The following IMPA2 variants were observed in gnomAD, a reference collection of about 807,000 sequenced individuals.
IMPA2 encodes the protein IMP 2.
A neutral mutation model predicts 35.1 loss-of-function variants in IMPA2; 32 were observed. The ratio of observed to expected loss-of-function variants is 0.91; its 90% CI spans 0.69 to 1.23. IMPA2 has a LOEUF of 1.23. Ranked by LOEUF, IMPA2 falls within the 50% of genes most tolerant of loss-of-function variation. The pLI, the probability that IMPA2 is intolerant of heterozygous loss-of-function variation, is 0.00. For synonymous variants in IMPA2, 135 were observed against 160.6 expected, an observed-to-expected ratio of 0.84 and a Z score of 1.20; for missense variants, 334 against 387.6, an observed-to-expected ratio of 0.86 and a Z score of 1.16.
At chr18:12,024,096 A>G (rs1907809938) in intron 5 of IMPA2, among the ~76,000 whole-genome samples, 1 of 152,244 alleles carries the variant, frequency 6.6e-6, no homozygotes, top group Non-Finnish European at 1.5e-5. Context: ...CTTCAGGGGA[A>G]TGGTGACATA....
intron 7 of IMPA2, 114 bp from the exon 8 acceptor site, chr18:12,030,229 G>T: frequency 4.0e-6 from 3 of 748,170 alleles, no homozygotes; most frequent in Non-Finnish European, 6.9e-6. Flanking sequence ...TGGGGCTTGG[G>T]CACGGTTCCA....
At chr18:12,028,691 T>A in intron 6 of IMPA2, 151 bp from the exon 7 acceptor site, 1 of 900,330 alleles carries the variant, frequency 1.1e-6, no homozygotes, top group Admixed American at 2.3e-5. Context: ...CTCCAGGCCC[T>A]ATATTCAGCC....
At chr18:11,988,872 C>T (rs190846933) in intron 1 of IMPA2, among the ~76,000 whole-genome samples, 13 of 152,236 alleles carry the variant, frequency 8.5e-5, no homozygotes, top group African/African-American at 2.9e-4. Context: ...CGCTTTGTTT[C>T]CCTGGCTGGA....
chr18:11,999,326 C>A, intron 2 of IMPA2, 139 bp downstream of exon 2: 1 of 679,588 alleles, frequency 1.5e-6, no homozygotes, highest in African/African-American at 1.8e-5. Flanking sequence ...GCCTAACCTG[C>A]GATTTGTCAG....
At chr18:11,990,579 C>G (rs1020751153) in intron 1 of IMPA2, among the ~76,000 whole-genome samples, 5 of 151,952 alleles carry the variant, frequency 3.3e-5, no homozygotes, top group Admixed American at 3.3e-4. Context: ...GTGTCCTGCT[C>G]GAACTGATGG....
chr18:11,993,549 G>C (rs1483759696), intron 1 of IMPA2, among the ~76,000 whole-genome samples: 1 of 152,204 alleles, frequency 6.6e-6, no homozygotes, highest in South Asian at 2.1e-4. Flanking sequence ...TGGAGCTACT[G>C]GGATGAAATG....
At chr18:11,997,015 C>G (rs966964059) in intron 1 of IMPA2, among the ~76,000 whole-genome samples, 15 of 152,168 alleles carry the variant, frequency 9.9e-5, no homozygotes, top group Admixed American at 3.3e-4. Flanking sequence ...CACACACACA[C>G]AGAGATACAC....
intron 1 of IMPA2, among the ~76,000 whole-genome samples, chr18:11,989,532 T>C (rs113918556): frequency 0.016 from 2,374 of 152,262 alleles, 31 homozygotes; most frequent in African/African-American, 0.028. Context: ...TGGGGGTCGG[T>C]ACATGGTCTC....
At chr18:12,011,895 CCT>C (rs1244000124) in intron 3 of IMPA2, among the ~76,000 whole-genome samples, 1 of 152,232 alleles carries the variant, frequency 6.6e-6, no homozygotes, top group East Asian at 1.9e-4. Context: ...TGAGATCCTT[CCT>C]AATTGGGCTT....
In IMPA2 at chr18:11,981,759, A is replaced by G; in HGVS notation, c.90A>G (p.Ala30=). The change falls in exon 1 of 8, where the codon GCA becomes GCG. Residue 30 remains alanine, a synonymous_variant. Coordinates refer to ENST00000269159, the MANE Select transcript of IMPA2 (RefSeq NM_014214.3). ...FQAAVQLALR[A]GQIIRKALTE... Reference sequence around the variant, plus strand: ...CGGCCGTGCAGCTGGCGCTGCGGGCAGGACAGGTGAGCGCCACGGCTGGGC... The same window carrying G: ...CGGCCGTGCAGCTGGCGCTGCGGGCGGGACAGGTGAGCGCCACGGCTGGGC... 20 of 1,216,592 alleles carry G rather than the reference A, an allele frequency of 1.6e-5. No individual in the cohort carries two copies. Among genetic ancestry groups the G allele is most frequent in the South Asian group, 4.1e-5 (1 of 24,266 alleles). The allele number at this position is 1,216,592 out of a possible 1,614,324, so 75.4% of individuals were successfully genotyped here. A position where few individuals can be genotyped will look rare whatever the true frequency, so the allele number is the denominator to read the frequency against.
intron 6 of IMPA2, chr18:12,028,522 G>A (rs944351812): frequency 3.1e-5 from 14 of 445,616 alleles, no homozygotes; most frequent in Non-Finnish European, 4.8e-5. Flanking sequence ...GCTGTGCTGT[G>A]AGCCCTAGCC....
intron 2 of IMPA2, among the ~76,000 whole-genome samples, chr18:12,001,934 C>T (rs963423019): frequency 6.6e-6 from 1 of 152,180 alleles, no homozygotes; most frequent in Non-Finnish European, 1.5e-5. Flanking sequence ...TGTGTGTCAC[C>T]CCCATCTTCC....
rs770517675 is a variant in IMPA2 at position 12,030,467 on chromosome 18, G to A, written c.*9G>A. ...GGGATGATGAGAAGTGACTGCGGCT[G>A]AGGCAAAGCTGCTCCCAAGGCCTCC... On this transcript the variant is annotated 3_prime_UTR_variant, in exon 8 of 8. Transcript: ENST00000269159. The A allele has an allele frequency of 6.8e-6, 11 of 1,610,664 alleles. No individual in the cohort carries two copies. The highest frequency in any genetic ancestry group is 1.7e-5 in the Admixed American group (1 of 60,012).
At chr18:12,023,921 AG>A (rs1907804687) in intron 5 of IMPA2, among the ~76,000 whole-genome samples, 1 of 152,230 alleles carries the variant, frequency 6.6e-6, no homozygotes, top group South Asian at 2.1e-4. Context: ...GCTTTCCCAG[AG>A]GGCAATTTGG....
Position 11,999,515 on chromosome 18 carries a change from G to T in IMPA2, c.230+328G>T, listed in dbSNP as rs570761264. Among the ~76,000 whole-genome samples the T allele has an allele frequency of 2.0e-5, 3 of 152,370 alleles. No individual in the cohort carries two copies. In the East Asian group the frequency reaches 5.8e-4, roughly 29 times the overall value. On this transcript the variant is annotated intron_variant, in intron 2 of 7. Coordinates refer to ENST00000269159, the MANE Select transcript of IMPA2 (RefSeq NM_014214.3). Reference sequence around the variant, plus strand: ...TTATTTCTGGAAGGACCCACTAGAAGTGTGACCCACCCTAAGAAGCCTGGA... The same window carrying T: ...TTATTTCTGGAAGGACCCACTAGAATTGTGACCCACCCTAAGAAGCCTGGA...
chr18:11,999,445 A>G (rs1225330952), intron 2 of IMPA2, among the ~76,000 whole-genome samples: 1 of 152,236 alleles, frequency 6.6e-6, no homozygotes, highest in Non-Finnish European at 1.5e-5. Flanking sequence ...TTTTTACAAC[A>G]CATGCTCAGG....
chr18:11,981,918 T>G (rs1253409233), intron 1 of IMPA2, among the ~76,000 whole-genome samples, 153 bp downstream of exon 1: 2 of 151,956 alleles, frequency 1.3e-5, no homozygotes, highest in Non-Finnish European at 2.9e-5. Flanking sequence ...AAGGAGCCTT[T>G]GTGCTGGTGT....
intron 1 of IMPA2, among the ~76,000 whole-genome samples, chr18:11,989,392 G>C (rs1210396942): frequency 6.6e-6 from 1 of 152,162 alleles, no homozygotes. Flanking sequence ...TGTTTGCTTA[G>C]CTCTGCAGGG....
At chr18:12,029,059 C>T in intron 7 of IMPA2, 66 bp downstream of exon 7, 1 of 1,353,780 alleles carries the variant, frequency 7.4e-7, no homozygotes, top group East Asian at 2.6e-5. Context: ...GGGTGGGGCA[C>T]TTCCTGAAGT....
Sources: gnomAD v4.1 joint callset for allele counts (sites outside exome capture counted in the v4.1 genomes callset) on GRCh38, gnomAD v4.1.1 for gene constraint, MANE v1.5 for transcripts, NCBI Gene and HGNC (gene_info 2026-07-23, HGNC 2026-07-21) for gene names.